Variants in CEP295 observed in about 807,000 individuals in gnomAD.
The protein encoded by CEP295 is centrosomal protein 295.
A neutral mutation model predicts 291.6 loss-of-function variants in CEP295; 190 were observed. The ratio of observed to expected loss-of-function variants is 0.65; its 90% CI spans 0.58 to 0.73. The LOEUF (loss-of-function observed/expected upper bound fraction) is 0.73, where lower values mean the gene tolerates loss of function less well. Among genes scored for constraint, CEP295 ranks in the 30% least tolerant of loss-of-function variants. The pLI is 0.00. For synonymous variants in CEP295, 993 were observed against 1,038.8 expected (o/e 0.96, Z 0.85); for missense variants, 2,863 against 2,949.4 (o/e 0.97, Z 0.68).
chr11:93,678,094 G>A (rs1424215581), intron 6 of CEP295, among the ~76,000 whole-genome samples: 1 of 151,834 alleles, frequency 6.6e-6, no homozygotes, highest in African/African-American at 2.4e-5. Flanking sequence ...CATTCATGTT[G>A]TATGCTATTT....
At chr11:93,718,907 G>A (rs986469664) in intron 18 of CEP295, among the ~76,000 whole-genome samples, 3 of 152,094 alleles carry the variant, frequency 2.0e-5, no homozygotes, top group Admixed American at 6.6e-5. Flanking sequence ...TCAGGAATTC[G>A]AGACCAGCCT....
rs758857837 is a variant in CEP295 at position 93,697,676 on chromosome 11, G to A, written c.2764G>A (p.Val922Ile). 214 of 1,551,666 alleles carry A rather than the reference G, an allele frequency of 1.4e-4. No homozygotes were observed. The highest frequency in any genetic ancestry group is 1.8e-4 in the Non-Finnish European group (205 of 1,147,044). ...TTCACCAACCAAGAATAATATTGCA[G>A]TTTCCTCAGACCATCATGTGATCTC... is the stretch of plus-strand genomic sequence containing the variant. ...ESSPTKNNIA[V>I]SSDHHVISQL... Residue 922 changes from valine to isoleucine, a missense_variant, in exon 15 of 30, where the codon GTT (valine) becomes ATT (isoleucine). Val to Ile is a conservative substitution (Grantham distance 29). Coordinates refer to ENST00000325212, the MANE Select transcript of CEP295 (RefSeq NM_033395.2).
chr11:93,707,106 G>A (rs1301055539), intron 18 of CEP295, among the ~76,000 whole-genome samples: 1 of 147,438 alleles, frequency 6.8e-6, no homozygotes, highest in Non-Finnish European at 1.5e-5. Context: ...ATGCCAGTAA[G>A]AAGTTTATCA....
chr11:93,668,292 G>C (rs937836311), intron 3 of CEP295, among the ~76,000 whole-genome samples: 1 of 152,140 alleles, frequency 6.6e-6, no homozygotes, highest in Non-Finnish European at 1.5e-5. Context: ...TTACAAAGAA[G>C]GTAAATCTTT....
intron 18 of CEP295, among the ~76,000 whole-genome samples, chr11:93,713,292 T>A (rs1269955026): frequency 1.3e-5 from 2 of 152,240 alleles, no homozygotes; most frequent in Non-Finnish European, 2.9e-5. Flanking sequence ...CTATTACCAG[T>A]GATTTTTGTA....
At chr11:93,708,465 T>C (rs1431074543) in intron 18 of CEP295, among the ~76,000 whole-genome samples, 2 of 152,234 alleles carry the variant, frequency 1.3e-5, no homozygotes, top group African/African-American at 4.8e-5. Flanking sequence ...CCATCCATGT[T>C]ATTGCAAATG....
intron 5 of CEP295, among the ~76,000 whole-genome samples, chr11:93,670,528 A>T (rs536116463): frequency 6.6e-6 from 1 of 152,344 alleles, no homozygotes; most frequent in South Asian, 2.1e-4. Context: ...AATGAAGTAG[A>T]AGTAAACCCA....
chr11:93,718,363 T>A (rs1002442195), intron 18 of CEP295, among the ~76,000 whole-genome samples: 1 of 152,260 alleles, frequency 6.6e-6, no homozygotes, highest in Non-Finnish European at 1.5e-5. Context: ...GGTGCCTTCC[T>A]GCATGGCATG....
chr11:93,728,788 G>A lies in CEP295; in HGVS notation c.7269G>A (p.Glu2423=). 1 of 1,548,584 alleles carries A rather than the reference G, an allele frequency of 6.5e-7. No homozygotes were observed. Among genetic ancestry groups the A allele is most frequent in the Non-Finnish European group, 8.7e-7 (1 of 1,146,260 alleles). ...ATTTTGCAAATTTAACCCTAGAAGAGAAGAGCGAGAATGAAGCAAAATGCT... is the reference window on the plus strand; with the variant it reads ...ATTTTGCAAATTTAACCCTAGAAGAAAAGAGCGAGAATGAAGCAAAATGCT... ...EMDFANLTLE[E]KSENEAKCFF... is the part of the protein sequence containing the mutation. Residue 2423 remains glutamate, a synonymous_variant, in exon 25 of 30, where the codon GAG becomes GAA. Coordinates refer to ENST00000325212, the MANE Select transcript of CEP295 (RefSeq NM_033395.2).
intron 5 of CEP295, among the ~76,000 whole-genome samples, chr11:93,670,854 C>T (rs1372619546): frequency 6.6e-6 from 1 of 151,838 alleles, no homozygotes; most frequent in Non-Finnish European, 1.5e-5. Context: ...CTTTGACAAG[C>T]ATGAATTAAT....
At position 93,668,805 on chromosome 11, in the gene CEP295, T is replaced by A; in HGVS notation, c.310-3T>A. ...TGACATTTTAAGTAATATATATTTT[T>A]AGGAACCTGATTTGGATGCTTTGGC... On this transcript the variant is annotated splice_region_variant and splice_polypyrimidine_tract_variant and intron_variant, in intron 3 of 29. Coordinates refer to ENST00000325212, the MANE Select transcript of CEP295 (RefSeq NM_033395.2). 2.6e-6 allele frequency: 4 copies of A among 1,511,676 alleles called. No homozygotes were observed. Among genetic ancestry groups the A allele is most frequent in the Non-Finnish European group, 3.5e-6 (4 of 1,130,684 alleles). The allele number at this position is 1,511,676 out of a possible 1,614,324, so 93.6% of individuals were successfully genotyped here.
chr11:93,709,878 A>T (rs533265203), intron 18 of CEP295, among the ~76,000 whole-genome samples: 1 of 152,180 alleles, frequency 6.6e-6, no homozygotes, highest in African/African-American at 2.4e-5. Flanking sequence ...GTTAATTCCT[A>T]GGTATTTAAT....
At chr11:93,725,570 T>C in intron 22 of CEP295, 81 bp from the exon 23 acceptor site, 1 of 1,159,028 alleles carries the variant, frequency 8.6e-7, no homozygotes, top group South Asian at 1.7e-5. Context: ...GGAAGAGTAA[T>C]ACCAAAGGAA....
chr11:93,703,673 C>A (rs752240274), intron 17 of CEP295, among the ~76,000 whole-genome samples: 1 of 150,520 alleles, frequency 6.6e-6, no homozygotes, highest in Non-Finnish European at 1.5e-5. Flanking sequence ...TGCTTAAATC[C>A]TGGCTTTGTG....
chr11:93,674,700 T>TAA (rs1590981566), intron 5 of CEP295, among the ~76,000 whole-genome samples: 1 of 152,240 alleles, frequency 6.6e-6, no homozygotes, highest in African/African-American at 2.4e-5. Context: ...TACTGGGATA[T>TAA]AATACAGAAG....
chr11:93,668,482 A>C (rs1296501843), intron 3 of CEP295, among the ~76,000 whole-genome samples: 1 of 152,138 alleles, frequency 6.6e-6, no homozygotes, highest in Non-Finnish European at 1.5e-5. Context: ...TTATTTGAAT[A>C]CCATGTTCAC....
At chr11:93,719,324 G>C (rs1289797365) in intron 18 of CEP295, among the ~76,000 whole-genome samples, 1 of 149,696 alleles carries the variant, frequency 6.7e-6, no homozygotes, top group East Asian at 2.0e-4. Context: ...CTAGAGTGCA[G>C]TGGTGCCATT....
intron 12 of CEP295, among the ~76,000 whole-genome samples, chr11:93,692,972 CAAAA>C (rs780110779): frequency 2.6e-5 from 2 of 77,816 alleles, no homozygotes; most frequent in Non-Finnish European, 5.3e-5. Flanking sequence ...GACTCTATCT[CAAAA>C]AAAAAAAAAA....
At chr11:93,685,918 C>G (rs1181485481) in intron 9 of CEP295, among the ~76,000 whole-genome samples, 2 of 150,798 alleles carry the variant, frequency 1.3e-5, no homozygotes, top group Non-Finnish European at 2.9e-5. Flanking sequence ...ACTATGTTGG[C>G]CAGGCTGGTC....
Sources: gnomAD v4.1 joint callset for allele counts (sites outside exome capture counted in the v4.1 genomes callset) on GRCh38, gnomAD v4.1.1 for gene constraint, MANE v1.5 for transcripts, NCBI Gene and HGNC (gene_info 2026-07-23, HGNC 2026-07-21) for gene names.